The following VWA8 variants were observed in gnomAD, a reference collection of about 807,000 sequenced individuals.
VWA8 encodes the protein von Willebrand factor A domain-containing protein 8.
In VWA8, 221 loss-of-function variants were observed where a neutral mutation model predicts 241.5. The ratio of observed to expected loss-of-function variants is 0.91; its 90% CI spans 0.82 to 1.02. The LOEUF is 1.02. Ranked by LOEUF, VWA8 falls within the 50% of genes least tolerant of loss-of-function variation. VWA8 has a pLI of 0.00. For missense variants in VWA8, 2,322 were observed against 2,328.7 expected, an observed-to-expected ratio of 1.00 and a Z score of 0.06; for synonymous variants, 852 against 827.1, an observed-to-expected ratio of 1.03 and a Z score of -0.52.
chr13:41,892,098 A>G (rs1311430059), intron 4 of VWA8, among the ~76,000 whole-genome samples: 1 of 152,204 alleles, frequency 6.6e-6, no homozygotes, highest in African/African-American at 2.4e-5. Context: ...AACATTACAC[A>G]CTTAGAAACA....
intron 24 of VWA8, among the ~76,000 whole-genome samples, chr13:41,723,510 T>C (rs1035909538): frequency 1.3e-5 from 2 of 152,206 alleles, no homozygotes; most frequent in Non-Finnish European, 2.9e-5. Flanking sequence ...AGGGGACTAT[T>C]TGAAGTAATC....
chr13:41,918,846 G>A (rs149815347), intron 2 of VWA8, among the ~76,000 whole-genome samples: 85 of 152,060 alleles, frequency 5.6e-4, no homozygotes, highest in African/African-American at 2.0e-3. Flanking sequence ...TAAAACACTA[G>A]ATACGTTTCA....
intron 37 of VWA8, among the ~76,000 whole-genome samples, chr13:41,643,082 T>A (rs1269127911): frequency 6.6e-6 from 1 of 152,172 alleles, no homozygotes; most frequent in Non-Finnish European, 1.5e-5. Flanking sequence ...GCAAAGGTGA[T>A]CCTGACAGCT....
chr13:41,763,113 A>AAAAC (rs746738961), intron 20 of VWA8, among the ~76,000 whole-genome samples: 6 of 151,960 alleles, frequency 3.9e-5, no homozygotes, highest in South Asian at 2.1e-4. Flanking sequence ...ATAAAAACAA[A>AAAAC]AAACAAACAA....
Position 41,756,395 on chromosome 13 carries a change from A to C in VWA8, c.2426+4733T>G, listed in dbSNP as rs530541155. Reference sequence around the variant, plus strand: ...AGAATTGACTGAGGCAGTTCAGCCTAATATATCTTTCTAAAAATATATTTT... The same window carrying C: ...AGAATTGACTGAGGCAGTTCAGCCTCATATATCTTTCTAAAAATATATTTT... On this transcript the variant is annotated intron_variant, in intron 21 of 44. Transcript: ENST00000379310. 3.3e-5 allele frequency among the ~76,000 whole-genome samples: 5 copies of C among 151,928 alleles called. No homozygotes were observed. In the South Asian group the frequency reaches 1.0e-3, roughly 31 times the overall value.
chr13:41,634,624 A>T (rs1205400519), intron 37 of VWA8, among the ~76,000 whole-genome samples: 1 of 152,134 alleles, frequency 6.6e-6, no homozygotes, highest in Non-Finnish European at 1.5e-5. Context: ...CCTGCTTTTC[A>T]GCCTAGCATG....
chr13:41,664,756 TAGG>T (rs2044975859), intron 37 of VWA8, among the ~76,000 whole-genome samples: 1 of 152,106 alleles, frequency 6.6e-6, no homozygotes, highest in African/African-American at 2.4e-5. Flanking sequence ...AAGCTTAAAA[TAGG>T]AGGAGGAAAA....
rs748407488 is a variant in VWA8 at position 41,671,053 on chromosome 13, C to A, written c.4504G>T (p.Val1502Phe). Residue 1502 changes from valine to phenylalanine, a missense_variant, in exon 37 of 45, where the codon GTT (valine) becomes TTT (phenylalanine). Coordinates refer to ENST00000379310, the MANE Select transcript of VWA8 (RefSeq NM_015058.2). ...AGCCTGATGTGACCTCCCATATCAACAGTAACAACACCGCTTTTGTCCCAC... is the reference window on the plus strand; with the variant it reads ...AGCCTGATGTGACCTCCCATATCAAAAGTAACAACACCGCTTTTGTCCCAC... ...AEWDKSGVVT[V>F]DMGGHIRLWE... 6.2e-7 allele frequency: 1 copy of A among 1,614,008 alleles called. No homozygotes were observed. The highest frequency in any genetic ancestry group is 8.5e-7 in the Non-Finnish European group (1 of 1,179,904).
At chr13:41,774,527 G>A (rs532848142) in intron 20 of VWA8, among the ~76,000 whole-genome samples, 16 of 152,298 alleles carry the variant, frequency 1.1e-4, no homozygotes, top group Admixed American at 2.0e-4. Context: ...CAAGGCATCA[G>A]GGAGACACAA....
At chr13:41,638,714 C>T (rs965509423) in intron 37 of VWA8, among the ~76,000 whole-genome samples, 7 of 151,828 alleles carry the variant, frequency 4.6e-5, no homozygotes, top group Non-Finnish European at 8.8e-5. Context: ...AATGGAGGTC[C>T]GAAAGTAGTC....
chr13:41,601,953 G>T (rs1288791648), intron 40 of VWA8, among the ~76,000 whole-genome samples: 1 of 152,076 alleles, frequency 6.6e-6, no homozygotes, highest in Non-Finnish European at 1.5e-5. Context: ...AAACACCCAT[G>T]GTTACTTGGA....
At position 41,629,373 on chromosome 13, in the gene VWA8, T is replaced by C. The variant is rs563034748; in HGVS notation, c.4612-14289A>G. On this transcript the variant is annotated intron_variant, in intron 37 of 44. Transcript: ENST00000379310. Reference sequence around the variant, plus strand: ...AAAAAAAAGTAAAGAGCTATAACATTGTATTGTGCTCTAAAAATTAGAGGG... The same window carrying C: ...AAAAAAAAGTAAAGAGCTATAACATCGTATTGTGCTCTAAAAATTAGAGGG... Among the ~76,000 whole-genome samples, 3 of 152,310 alleles carry C rather than the reference T, an allele frequency of 2.0e-5. No individual in the cohort carries two copies. In the East Asian group the frequency reaches 5.8e-4, roughly 29 times the overall value.
chr13:41,750,432 AAACAACAACAACAAC>A (rs148479463), intron 21 of VWA8, among the ~76,000 whole-genome samples: 1 of 144,404 alleles, frequency 6.9e-6, no homozygotes, highest in African/African-American at 2.6e-5. Flanking sequence ...ACTCCATCTA[AAACAACAACAACAAC>A]AACAACAACA....
At chr13:41,663,412 C>T (rs1047816057) in intron 37 of VWA8, among the ~76,000 whole-genome samples, 12 of 151,866 alleles carry the variant, frequency 7.9e-5, no homozygotes, top group South Asian at 4.2e-4. Context: ...TAAGCATACA[C>T]GGTTTAATAA....
chr13:41,588,552 C>T (rs1423491921), intron 41 of VWA8, among the ~76,000 whole-genome samples: 1 of 151,940 alleles, frequency 6.6e-6, no homozygotes, highest in African/African-American at 2.4e-5. Context: ...AAGAACTCAT[C>T]TCTACAAAAA....
rs1047451433 is a variant in VWA8 at position 41,738,843 on chromosome 13, C to T, written c.2427-6688G>A. 2.6e-5 allele frequency among the ~76,000 whole-genome samples: 4 copies of T among 151,982 alleles called. No homozygotes were observed. The East Asian group carries it at 7.7e-4, about 29-fold the overall frequency. The stretch of plus-strand genomic sequence containing the variant: ...GAAGAATGAAATAAGGATAAAAATA[C>T]AAAGTTGAATGAGTATACAAAGATG... On this transcript the variant is annotated intron_variant, in intron 21 of 44. Coordinates refer to ENST00000379310, the MANE Select transcript of VWA8 (RefSeq NM_015058.2).
rs548328116 is a variant in VWA8, at chr13:41,830,315, T to A, written c.1700+214A>T. On this transcript the variant is annotated intron_variant, in intron 14 of 44. Transcript: ENST00000379310. Reference sequence around the variant, plus strand: ...TAAAACAGTTGATTAGGTTTTTTTTTTTAAAAAAAAAAAGTAAGGCTGAGA... The same window carrying A: ...TAAAACAGTTGATTAGGTTTTTTTTATTAAAAAAAAAAAGTAAGGCTGAGA... 7.1e-3 allele frequency among the ~76,000 whole-genome samples: 1,052 copies of A among 148,146 alleles called. 13 individuals are homozygous for A. Among genetic ancestry groups the A allele is most frequent in the African/African-American group, 0.026 (1,003 of 38,640 alleles).
intron 21 of VWA8, among the ~76,000 whole-genome samples, chr13:41,758,828 G>A (rs1480011170): frequency 6.6e-6 from 1 of 151,194 alleles, no homozygotes; most frequent in East Asian, 1.9e-4. Flanking sequence ...CCTCTTGATT[G>A]AGGAAGTTTC....
At chr13:41,865,312 T>C (rs1873238660) in intron 12 of VWA8, 1 of 393,994 alleles carries the variant, frequency 2.5e-6, no homozygotes, top group Non-Finnish European at 5.0e-6. Flanking sequence ...CTTTTCTTTA[T>C]GCTGGAACAT....
Sources: allele counts gnomAD v4.1 joint callset (sites outside exome capture counted in the v4.1 genomes callset), GRCh38; gene constraint gnomAD v4.1.1; transcripts MANE v1.5; gene names NCBI Gene and HGNC (gene_info 2026-07-23, HGNC 2026-07-21).